The following LUZP2 variants were observed in gnomAD, a reference collection of about 807,000 sequenced individuals.
The protein encoded by LUZP2 is leucine zipper protein 2.
Under a neutral mutation model 51.6 loss-of-function variants are expected in LUZP2, and 52 were observed. That is an observed-to-expected ratio of 1.01 (90% CI 0.81 to 1.27). The LOEUF is 1.27. Ranked by LOEUF, LUZP2 falls within the 50% of genes most tolerant of loss-of-function variation. The pLI, the probability that LUZP2 is intolerant of heterozygous loss-of-function variation, is 0.00. For missense variants in LUZP2, 436 were observed against 395.4 expected (o/e 1.10, Z -0.87); for synonymous variants, 154 against 137.3 (o/e 1.12, Z -0.85).
At chr11:24,578,428 TC>T in intron 1 of LUZP2, among the ~76,000 whole-genome samples, 1 of 152,050 alleles carries the variant, frequency 6.6e-6, no homozygotes, top group East Asian at 1.9e-4. Flanking sequence ...TTATCCATAG[TC>T]ATTAAGAGGC....
intron 10 of LUZP2, among the ~76,000 whole-genome samples, chr11:25,068,587 T>C (rs1859063424): frequency 6.6e-6 from 1 of 152,002 alleles, no homozygotes; most frequent in Admixed American, 6.6e-5. Context: ...AGAGTCATAC[T>C]GATGACATGT....
intron 3 of LUZP2, among the ~76,000 whole-genome samples, chr11:24,737,683 A>G (rs1858994388): frequency 6.6e-6 from 1 of 152,112 alleles, no homozygotes; most frequent in Non-Finnish European, 1.5e-5. Flanking sequence ...TTTTTAAATT[A>G]TCTTCATTAA....
At chr11:24,874,318 C>T (rs182135589) in intron 5 of LUZP2, among the ~76,000 whole-genome samples, 19 of 152,132 alleles carry the variant, frequency 1.2e-4, no homozygotes, top group African/African-American at 4.3e-4. Flanking sequence ...AGATGGGTGG[C>T]GGGCAGTTGA....
rs146406524 is a variant in LUZP2 at position 25,053,731 on chromosome 11, A to G, written c.858+3601A>G. On this transcript the variant is annotated intron_variant, in intron 10 of 11. Coordinates refer to ENST00000336930, the MANE Select transcript of LUZP2 (RefSeq NM_001009909.4). ...TTTGGATTATTTTTAATTTGTAGCT[A>G]TTATGAAAAAATGATGCTATGAACG... 4.1e-4 allele frequency among the ~76,000 whole-genome samples: 62 copies of G among 152,250 alleles called. 1 individual carries two copies. Among genetic ancestry groups the G allele is most frequent in the African/African-American group, 1.4e-3 (57 of 41,566 alleles).
intron 5 of LUZP2, among the ~76,000 whole-genome samples, chr11:24,888,423 G>A (rs1852739244): frequency 6.6e-6 from 1 of 151,716 alleles, no homozygotes; most frequent in South Asian, 2.1e-4. Flanking sequence ...TTTTTTTTTG[G>A]ATTTGAGCTA....
chr11:24,578,186 C>T (rs1433133927), intron 1 of LUZP2, among the ~76,000 whole-genome samples: 1 of 152,030 alleles, frequency 6.6e-6, no homozygotes, highest in Admixed American at 6.6e-5. Context: ...TTTAAAATTA[C>T]TTATTTCTTG....
At chr11:24,715,306 T>TGTGTGTGTGC (rs1491411648) in intron 1 of LUZP2, among the ~76,000 whole-genome samples, 6 of 68,938 alleles carry the variant, frequency 8.7e-5, no homozygotes, top group African/African-American at 2.6e-4. Flanking sequence ...TGTGTGTGTG[T>TGTGTGTGTGC]GCATGCGTAT....
At chr11:24,985,868 G>C (rs1856174353) in intron 9 of LUZP2, among the ~76,000 whole-genome samples, 1 of 151,636 alleles carries the variant, frequency 6.6e-6, no homozygotes, top group South Asian at 2.1e-4. Flanking sequence ...ACAATGAATA[G>C]GGTTAAATAT....
intron 8 of LUZP2, among the ~76,000 whole-genome samples, chr11:24,982,856 G>A (rs773328815): frequency 6.6e-6 from 1 of 151,700 alleles, no homozygotes; most frequent in Non-Finnish European, 1.5e-5. Flanking sequence ...AAACTATCAT[G>A]GTGGAAATCA....
chr11:24,798,608 A>G (rs1037787785), intron 5 of LUZP2, among the ~76,000 whole-genome samples: 6 of 152,174 alleles, frequency 3.9e-5, no homozygotes, highest in Admixed American at 1.3e-4. Flanking sequence ...CACAAGGGAC[A>G]TTTAGTCTAG....
At chr11:24,518,954 T>A (rs919519531) in intron 1 of LUZP2, among the ~76,000 whole-genome samples, 12 of 152,218 alleles carry the variant, frequency 7.9e-5, no homozygotes, top group Admixed American at 7.2e-4. Context: ...TTGATGCAGA[T>A]CATACTCTAT....
chr11:24,760,382 A>G (rs1413014623), intron 4 of LUZP2, among the ~76,000 whole-genome samples: 1 of 151,920 alleles, frequency 6.6e-6, no homozygotes, highest in African/African-American at 2.4e-5. Context: ...GATTAGGAGG[A>G]CTTAGAGTTT....
Position 24,929,547 on chromosome 11 carries a change from T to C in LUZP2, c.522+15009T>C, listed in dbSNP as rs142159228. 9.7e-3 allele frequency among the ~76,000 whole-genome samples: 1,473 copies of C among 152,262 alleles called. 20 individuals are homozygous for C. The highest frequency in any genetic ancestry group is 0.045 in the South Asian group (217 of 4,826). On this transcript the variant is annotated intron_variant, in intron 7 of 11. Coordinates refer to ENST00000336930, the MANE Select transcript of LUZP2 (RefSeq NM_001009909.4). ...TGGTGTTGAGGGTTCCTTCTGGAGT[T>C]GAATTCCAATTTCATTCCACTGTTT...
At chr11:24,533,434 T>G (rs1419230406) in intron 1 of LUZP2, among the ~76,000 whole-genome samples, 2 of 151,420 alleles carry the variant, frequency 1.3e-5, no homozygotes, top group Non-Finnish European at 3.0e-5. Context: ...AAATAATACT[T>G]GCACGGTTGT....
At chr11:24,712,983 T>C (rs1481112612) in intron 1 of LUZP2, among the ~76,000 whole-genome samples, 1 of 152,194 alleles carries the variant, frequency 6.6e-6, no homozygotes, top group African/African-American at 2.4e-5. Context: ...ACTACGTATG[T>C]GAGAGACCTT....
At chr11:24,675,466 G>C (rs1006926589) in intron 1 of LUZP2, among the ~76,000 whole-genome samples, 1 of 152,258 alleles carries the variant, frequency 6.6e-6, no homozygotes, top group African/African-American at 2.4e-5. Flanking sequence ...TGCAGTGTTT[G>C]TAAGTGCAGA....
At chr11:24,522,364 G>T (rs945422681) in intron 1 of LUZP2, among the ~76,000 whole-genome samples, 2 of 150,494 alleles carry the variant, frequency 1.3e-5, no homozygotes, top group African/African-American at 4.9e-5. Context: ...GCTTTTTTGG[G>T]CATATTTTCT....
In LUZP2 at chr11:24,556,527, T is replaced by C. The variant is rs530518417; in HGVS notation, c.62+59222T>C. Among the ~76,000 whole-genome samples the C allele has an allele frequency of 1.2e-4, 18 of 152,224 alleles. No homozygotes were observed. The South Asian group carries it at 3.7e-3, about 32-fold the overall frequency. On this transcript the variant is annotated intron_variant, in intron 1 of 11. Transcript: ENST00000336930. ...CTTAATGATGAAAAGAAAGACTTCA[T>C]GAAGGGTGTGGTATATGTGGTGAAA...
At chr11:24,800,719 C>G (rs1008689061) in intron 5 of LUZP2, among the ~76,000 whole-genome samples, 3 of 152,006 alleles carry the variant, frequency 2.0e-5, no homozygotes, top group African/African-American at 7.2e-5. Context: ...ATTTAAAACA[C>G]ACTAGAAAAA....
Sources: gnomAD v4.1 joint callset for allele counts (sites outside exome capture counted in the v4.1 genomes callset) on GRCh38, gnomAD v4.1.1 for gene constraint, MANE v1.5 for transcripts, NCBI Gene and HGNC (gene_info 2026-07-23, HGNC 2026-07-21) for gene names.